Variants in C1QTNF7 observed in about 807,000 individuals in gnomAD.
C1QTNF7 encodes complement C1q tumor necrosis factor-related protein 7.
A neutral mutation model predicts 19.6 loss-of-function variants in C1QTNF7; 15 were observed. That is an observed-to-expected ratio of 0.76 (90% confidence interval 0.51 to 1.18). The LOEUF is 1.18. Ranked by LOEUF, C1QTNF7 falls within the 50% of genes most tolerant of loss-of-function variation. The probability of loss-of-function intolerance (pLI) is 0.00; values close to 1 mark genes in which losing one functional copy is unlikely to be tolerated. For missense variants in C1QTNF7, 324 were observed against 359.7 expected (o/e 0.90, Z 0.80); for synonymous variants, 142 against 137.5 (o/e 1.03, Z -0.23).
chr4:15,435,801 G>A lies in C1QTNF7; in HGVS notation c.58G>A (p.Gly20Ser), dbSNP rs1229701094. Residue 20 changes from glycine (G) to serine (S), a missense_variant, in exon 2 of 3, where the codon GGT becomes AGT. Gly to Ser is a moderately conservative substitution (Grantham distance 56). Coordinates refer to ENST00000444304, the MANE Select transcript of C1QTNF7 (RefSeq NM_031911.5). Reference sequence around the variant, plus strand: ...CATTTGTGCCAGTGGACAACCCCGGGGTAATCAGTTGAAAGGAGAGAACTA... The same window carrying A: ...CATTTGTGCCAGTGGACAACCCCGGAGTAATCAGTTGAAAGGAGAGAACTA... Reference protein sequence around the residue: ...FAICASGQPRGNQLKGENYSP... With the variant: ...FAICASGQPRSNQLKGENYSP... 1.2e-6 allele frequency: 2 copies of A among 1,614,100 alleles called. No homozygotes were observed. Among genetic ancestry groups the A allele is most frequent in the Non-Finnish European group, 1.7e-6 (2 of 1,180,016 alleles).
chr4:15,367,213 A>G, intron 1 of C1QTNF7, among the ~76,000 whole-genome samples: 1 of 152,214 alleles, frequency 6.6e-6, no homozygotes, highest in East Asian at 1.9e-4. Context: ...TTCAAAGGAG[A>G]ACTATTATTC....
intron 1 of C1QTNF7, among the ~76,000 whole-genome samples, chr4:15,431,869 A>G (rs550663883): frequency 3.8e-4 from 58 of 152,376 alleles, no homozygotes; most frequent in African/African-American, 1.3e-3. Context: ...CTACTGAGTT[A>G]GAAGTGAAAA....
At chr4:15,439,066 A>G (rs145482134) in intron 2 of C1QTNF7, among the ~76,000 whole-genome samples, 4 of 152,316 alleles carry the variant, frequency 2.6e-5, no homozygotes, top group East Asian at 1.9e-4. Flanking sequence ...ATACCTAAAC[A>G]TAGACTAACT....
At chr4:15,418,321 T>C (rs759141535) in intron 1 of C1QTNF7, among the ~76,000 whole-genome samples, 5 of 152,240 alleles carry the variant, frequency 3.3e-5, no homozygotes, top group African/African-American at 4.8e-5. Flanking sequence ...TGGAACCCCA[T>C]TGCTGTTAAG....
chr4:15,354,519 G>A (rs367607052), intron 1 of C1QTNF7, among the ~76,000 whole-genome samples: 5 of 152,108 alleles, frequency 3.3e-5, no homozygotes, highest in East Asian at 1.9e-4. Flanking sequence ...GAGGCTCTGC[G>A]TGTCATTTGA....
chr4:15,384,318 G>A (rs1718253874), intron 1 of C1QTNF7, among the ~76,000 whole-genome samples: 1 of 152,108 alleles, frequency 6.6e-6, no homozygotes, highest in South Asian at 2.1e-4. Flanking sequence ...TGAAATGATA[G>A]CAATTGTTTA....
chr4:15,382,837 TC>T (rs1351360807), intron 1 of C1QTNF7, among the ~76,000 whole-genome samples: 5 of 152,198 alleles, frequency 3.3e-5, no homozygotes, highest in African/African-American at 1.2e-4. Context: ...CCTACTTGAT[TC>T]CAGCTGTTCG....
intron 1 of C1QTNF7, among the ~76,000 whole-genome samples, chr4:15,397,275 G>A (rs1718820946): frequency 6.6e-6 from 1 of 152,208 alleles, no homozygotes. Flanking sequence ...CTTCAAGTGA[G>A]CTCAGAGGTG....
At chr4:15,384,766 G>T (rs1232689932) in intron 1 of C1QTNF7, among the ~76,000 whole-genome samples, 2 of 152,176 alleles carry the variant, frequency 1.3e-5, no homozygotes, top group Non-Finnish European at 2.9e-5. Context: ...TTCCGATTTT[G>T]ACTGTCTTCC....
chr4:15,376,368 C>G (rs1717940616), intron 1 of C1QTNF7, among the ~76,000 whole-genome samples: 1 of 152,170 alleles, frequency 6.6e-6, no homozygotes, highest in South Asian at 2.1e-4. Context: ...CTAAACATGC[C>G]TTGTGCACTC....
At chr4:15,360,549 T>A (rs1717303770) in intron 1 of C1QTNF7, among the ~76,000 whole-genome samples, 1 of 152,188 alleles carries the variant, frequency 6.6e-6, no homozygotes. Flanking sequence ...TTTCTTGCAC[T>A]TAGAAACACT....
intron 1 of C1QTNF7, among the ~76,000 whole-genome samples, chr4:15,350,258 A>AGG (rs1716876977): frequency 1.9e-4 from 3 of 15,550 alleles, no homozygotes; most frequent in Non-Finnish European, 3.8e-4. Flanking sequence ...AGGGAAGGAG[A>AGG]GAGGGAGGGA....
At chr4:15,427,497 G>A (rs150916785), upstream of C1QTNF7, among the ~76,000 whole-genome samples, 56 of 152,146 alleles carry the variant, frequency 3.7e-4, no homozygotes, top group African/African-American at 1.3e-3. Flanking sequence ...AAAGAACAAA[G>A]AAAACAAAAT....
At chr4:15,439,820 T>G (rs1712676993) in intron 2 of C1QTNF7, among the ~76,000 whole-genome samples, 2 of 152,222 alleles carry the variant, frequency 1.3e-5, no homozygotes, top group East Asian at 1.9e-4. Flanking sequence ...AATGATATCT[T>G]TCGATGGTAT....
At chr4:15,372,220 C>T (rs1717761051) in intron 1 of C1QTNF7, among the ~76,000 whole-genome samples, 3 of 152,128 alleles carry the variant, frequency 2.0e-5, no homozygotes, top group Admixed American at 2.0e-4. Context: ...AGCTTTAACC[C>T]CTATTACGGC....
chr4:15,419,399 C>T (rs1990525), intron 1 of C1QTNF7, among the ~76,000 whole-genome samples: 144,343 of 152,306 alleles, frequency 0.95, 68,478 homozygotes, highest in East Asian at 1. Context: ...TGATGGATAT[C>T]GTTTGGCCAT....
rs545201302 is a variant in C1QTNF7 at position 15,383,066 on chromosome 4, C to A, written c.13+42859C>A. Among the ~76,000 whole-genome samples the A allele has an allele frequency of 2.0e-5, 3 of 152,298 alleles. No individual in the cohort carries two copies. In the South Asian group the frequency reaches 6.2e-4, roughly 32 times the overall value. ...GGACACTCAAATGTCAACAATCCAA[C>A]GTCATGCCCTCTCCTCTCACTGAGC... On this transcript the variant is annotated intron_variant, in intron 1 of 2. Transcript: ENST00000295297.
At chr4:15,420,915 G>C (rs1192902641) in intron 1 of C1QTNF7, among the ~76,000 whole-genome samples, 1 of 130,638 alleles carries the variant, frequency 7.7e-6, no homozygotes, top group Non-Finnish European at 1.5e-5. Context: ...GGATTTCCCA[G>C]CTCTCGCTCC....
chr4:15,407,869 T>C (rs1489757556), intron 1 of C1QTNF7, among the ~76,000 whole-genome samples: 1 of 152,100 alleles, frequency 6.6e-6, no homozygotes, highest in South Asian at 2.1e-4. Context: ...GAGGTTGCAG[T>C]GAGCCCAGAA....
Sources: gnomAD v4.1 joint callset for allele counts (sites outside exome capture counted in the v4.1 genomes callset) on GRCh38, gnomAD v4.1.1 for gene constraint, MANE v1.5 for transcripts, NCBI Gene and HGNC (gene_info 2026-07-23, HGNC 2026-07-21) for gene names.